Variants in NRCAM observed in about 807,000 individuals in gnomAD.
The protein encoded by NRCAM is neuronal cell adhesion molecule.
In NRCAM, 83 loss-of-function variants were observed where a neutral mutation model predicts 156.5. The observed-to-expected ratio is 0.53, with a 90% CI of 0.44 to 0.64. The LOEUF (loss-of-function observed/expected upper bound fraction) is 0.64. Ranked by LOEUF, NRCAM falls within the 30% of genes least tolerant of loss-of-function variation. The pLI is 0.00. For missense variants in NRCAM, 1,417 were observed against 1,597.3 expected, an observed-to-expected ratio of 0.89 and a Z score of 1.92; for synonymous variants, 538 against 563.9, an observed-to-expected ratio of 0.95 and a Z score of 0.65.
rs138803119 is a variant in NRCAM at position 108,361,187 on chromosome 7, C to T, written c.-174+38249G>A. ...CATTGAAAATTAAAATAGTAAAATG[C>T]AATATACATCTATTAGAATGGCTAA... On this transcript the variant is annotated intron_variant, in intron 2 of 32. Coordinates refer to ENST00000379028, the MANE Select transcript of NRCAM (RefSeq NM_001037132.4). Among the ~76,000 whole-genome samples, 314 of 152,176 alleles carry T rather than the reference C, an allele frequency of 2.1e-3. 1 individual carries two copies. The highest frequency in any genetic ancestry group is 7.2e-3 in the African/African-American group (300 of 41,518).
chr7:108,252,243 T>C (rs2096392337), intron 3 of NRCAM, among the ~76,000 whole-genome samples: 1 of 152,214 alleles, frequency 6.6e-6, no homozygotes, highest in African/African-American at 2.4e-5. Flanking sequence ...GTCAGCTGGC[T>C]GAGGATTAAG....
In NRCAM at chr7:108,245,154, T is replaced by C. The variant is rs1309568168; in HGVS notation, c.-106-4984A>G. 5.3e-5 allele frequency among the ~76,000 whole-genome samples: 8 copies of C among 152,250 alleles called. No individual in the cohort carries two copies. In the East Asian group the frequency reaches 1.5e-3, roughly 29 times the overall value. ...TAGGATGGTGTCACCTGCTTAAATGTCACGTGATATGTGAAGTACCAGATC... is the reference window on the plus strand; with the variant it reads ...TAGGATGGTGTCACCTGCTTAAATGCCACGTGATATGTGAAGTACCAGATC... On this transcript the variant is annotated intron_variant, in intron 3 of 32. Coordinates refer to ENST00000379028, the MANE Select transcript of NRCAM (RefSeq NM_001037132.4).
At chr7:108,360,434 G>A (rs1248449058) in intron 2 of NRCAM, among the ~76,000 whole-genome samples, 1 of 152,172 alleles carries the variant, frequency 6.6e-6, no homozygotes, top group East Asian at 1.9e-4. Context: ...GGGTTGCAGG[G>A]TGGGGGATAT....
At chr7:108,327,138 G>C (rs891413069) in intron 2 of NRCAM, among the ~76,000 whole-genome samples, 6 of 152,182 alleles carry the variant, frequency 3.9e-5, no homozygotes, top group Admixed American at 3.9e-4. Context: ...AGCACATGGA[G>C]CCAACACAGC....
chr7:108,245,735 G>C (rs747043222), intron 3 of NRCAM, among the ~76,000 whole-genome samples: 1 of 152,100 alleles, frequency 6.6e-6, no homozygotes, highest in Non-Finnish European at 1.5e-5. Context: ...TTTAGATTTA[G>C]AAAATTATTA....
At chr7:108,431,008 A>G (rs1368136361) in intron 1 of NRCAM, among the ~76,000 whole-genome samples, 1 of 152,206 alleles carries the variant, frequency 6.6e-6, no homozygotes, top group Non-Finnish European at 1.5e-5. Context: ...ATTAATTAGG[A>G]TAAGTCATGC....
chr7:108,276,039 C>T (rs928931852), intron 3 of NRCAM, among the ~76,000 whole-genome samples: 7 of 152,026 alleles, frequency 4.6e-5, no homozygotes, highest in South Asian at 2.1e-4. Context: ...TGTAGTTGTG[C>T]GGTTTTGAGT....
intron 30 of NRCAM, among the ~76,000 whole-genome samples, chr7:108,163,810 C>T (rs1372110643): frequency 3.0e-5 from 2 of 67,562 alleles, no homozygotes; most frequent in East Asian, 4.7e-4. Context: ...GGTGGGGTGG[C>T]GGTAATGAGA....
At chr7:108,181,607 G>T (rs1222930812) in intron 24 of NRCAM, among the ~76,000 whole-genome samples, 1 of 112,782 alleles carries the variant, frequency 8.9e-6, no homozygotes, top group Non-Finnish European at 2.0e-5. Flanking sequence ...TGGGAAAAAT[G>T]GAGAAAACTT....
intron 1 of NRCAM, among the ~76,000 whole-genome samples, chr7:108,433,752 A>G (rs561237434): frequency 1.1e-4 from 16 of 152,264 alleles, no homozygotes; most frequent in African/African-American, 3.9e-4. Flanking sequence ...CTCACCTGAA[A>G]CTGAGCAGAT....
intron 1 of NRCAM, among the ~76,000 whole-genome samples, chr7:108,438,299 G>A (rs987880989): frequency 5.9e-5 from 9 of 152,000 alleles, no homozygotes; most frequent in East Asian, 1.9e-4. Context: ...ATCTGAATTC[G>A]GCAGCACATA....
At chr7:108,267,254 AG>A (rs1386731028) in intron 3 of NRCAM, among the ~76,000 whole-genome samples, 7 of 152,374 alleles carry the variant, frequency 4.6e-5, no homozygotes, top group African/African-American at 1.7e-4. Context: ...TCTGGAACAA[AG>A]GGCAACCAGT....
At chr7:108,211,128 G>C (rs1036859079) in intron 11 of NRCAM, among the ~76,000 whole-genome samples, 4 of 152,214 alleles carry the variant, frequency 2.6e-5, no homozygotes, top group African/African-American at 9.6e-5. Context: ...AACTGCAGAA[G>C]TGAAAAACTG....
intron 11 of NRCAM, among the ~76,000 whole-genome samples, chr7:108,210,366 C>T (rs1379877269): frequency 1.3e-5 from 2 of 152,078 alleles, no homozygotes; most frequent in Admixed American, 1.3e-4. Flanking sequence ...CCTGCCTCAG[C>T]CTCCCGAGTA....
rs2071755572 is a variant in NRCAM, at chr7:108,191,739, A to G, written c.1893T>C (p.Leu631=). 6.2e-7 allele frequency: 1 copy of G among 1,610,042 alleles called. No individual in the cohort carries two copies. The highest frequency in any genetic ancestry group is 8.5e-7 in the Non-Finnish European group (1 of 1,177,362). The change falls in exon 18 of 33, where the codon CTT becomes CTC. Residue 631 remains leucine, a synonymous_variant. Coordinates refer to ENST00000379028, the MANE Select transcript of NRCAM (RefSeq NM_001037132.4). ...TGTTTTCGTTCTTACCAACAACGCT[A>G]AGCACAGCGCTGGCGGAGACGCTGT... ...TLDSVSASAV[L]SVVAPTPTPA...
At chr7:108,211,943 C>T (rs2084734997) in intron 11 of NRCAM, among the ~76,000 whole-genome samples, 1 of 152,222 alleles carries the variant, frequency 6.6e-6, no homozygotes, top group Non-Finnish European at 1.5e-5. Context: ...GGCCAACCAG[C>T]ACAAAAATAG....
At chr7:108,378,034 C>T (rs917078543) in intron 2 of NRCAM, among the ~76,000 whole-genome samples, 2 of 152,068 alleles carry the variant, frequency 1.3e-5, no homozygotes, top group Non-Finnish European at 1.5e-5. Context: ...CATAGCAGAC[C>T]TTACAGAATT....
At chr7:108,437,260 C>T (rs565802396) in intron 1 of NRCAM, among the ~76,000 whole-genome samples, 2 of 151,950 alleles carry the variant, frequency 1.3e-5, no homozygotes, top group African/African-American at 4.8e-5. Context: ...AGGATGGTTA[C>T]CAGAGGCTAG....
rs138364098 is a variant in NRCAM at position 108,191,528 on chromosome 7, C to T, written c.1903+201G>A. Among the ~76,000 whole-genome samples the T allele has an allele frequency of 3.9e-5, 6 of 152,304 alleles. No homozygotes were observed. In the East Asian group the frequency reaches 1.2e-3, roughly 29 times the overall value. ...AAAGGTTACTAATGTGCATATCCAC[C>T]ATTTCACCCAGTGCTGCTACACAGT... On this transcript the variant is annotated intron_variant, in intron 18 of 32. Transcript: ENST00000379028.
Sources: gnomAD v4.1 joint callset for allele counts (sites outside exome capture counted in the v4.1 genomes callset) on GRCh38, gnomAD v4.1.1 for gene constraint, MANE v1.5 for transcripts, NCBI Gene and HGNC (gene_info 2026-07-23, HGNC 2026-07-21) for gene names.